MAP2K1: variants seen among roughly 807,000 people sequenced by gnomAD.
The protein encoded by MAP2K1 is mitogen-activated protein kinase kinase 1.
In MAP2K1, 16 loss-of-function variants were observed where a neutral mutation model predicts 46.3. The ratio of observed to expected loss-of-function variants is 0.35; its 90% CI spans 0.23 to 0.52. The LOEUF (loss-of-function observed/expected upper bound fraction) is 0.52. Among genes scored for constraint, MAP2K1 ranks in the 20% least tolerant of loss-of-function variants. The pLI, the probability that MAP2K1 is intolerant of heterozygous loss-of-function variation, is 0.94. For synonymous variants in MAP2K1, 183 were observed against 185.6 expected (o/e 0.99, Z 0.11); for missense variants, 263 against 497.1 (o/e 0.53, Z 4.48).
intron 1 of MAP2K1, among the ~76,000 whole-genome samples, chr15:66,397,198 G>T (rs575813387): frequency 1.4e-4 from 21 of 149,628 alleles, no homozygotes; most frequent in African/African-American, 5.2e-4. Flanking sequence ...TAGAGACAAG[G>T]TTTCACCGTG....
chr15:66,444,743 TTTAG>T, intron 5 of MAP2K1, 36 bp downstream of exon 5: 1 of 1,555,844 alleles, frequency 6.4e-7, no homozygotes, highest in Non-Finnish European at 8.9e-7. Flanking sequence ...TGCTTTGAAT[TTTAG>T]ATATAATCCA....
At chr15:66,442,432 A>G (rs1395862764) in intron 3 of MAP2K1, among the ~76,000 whole-genome samples, 3 of 152,164 alleles carry the variant, frequency 2.0e-5, no homozygotes, top group Non-Finnish European at 4.4e-5. Context: ...TTTTCCAGGT[A>G]TAGAAATCAT....
rs1461381065 is a variant in MAP2K1, at chr15:66,420,721, A to ATATATATATATATGTG, written c.81-14305_81-14304insATATATATATATGTGT. Among the ~76,000 whole-genome samples, 62 of 29,676 alleles carry ATATATATATATATGTG rather than the reference A, an allele frequency of 2.1e-3. 5 individuals carry two copies. The highest frequency in any genetic ancestry group is 7.2e-3 in the African/African-American group (61 of 8,492). 19.5% of individuals were successfully genotyped at this position (29,676 alleles called of 152,430 possible). On this transcript the variant is annotated intron_variant, in intron 1 of 10. Coordinates refer to ENST00000307102, the MANE Select transcript of MAP2K1 (RefSeq NM_002755.4). ...TTACTCTTGGCATATATATATATATATGTGTGTGTGTGTGTGTGTGTGTGT... is the reference window on the plus strand; with the variant it reads ...TTACTCTTGGCATATATATATATATATATATATATATATGTGTGTGTGTGTGTGTGTGTGTGTGTGT...
chr15:66,392,161 G>T (rs1471698690), intron 1 of MAP2K1, among the ~76,000 whole-genome samples: 1 of 151,442 alleles, frequency 6.6e-6, no homozygotes, highest in Non-Finnish European at 1.5e-5. Context: ...CATTTCTTTG[G>T]CCAGAGCAAA....
At chr15:66,487,137 C>A (rs745797293) in intron 7 of MAP2K1, 91 bp from the exon 8 acceptor site, 12 of 1,030,888 alleles carry the variant, frequency 1.2e-5, no homozygotes, top group Non-Finnish European at 1.8e-5. Context: ...TGACCCTGTT[C>A]TGGTCCCAGG....
intron 3 of MAP2K1, among the ~76,000 whole-genome samples, chr15:66,440,663 C>G (rs895440901): frequency 1.3e-5 from 2 of 152,170 alleles, no homozygotes; most frequent in African/African-American, 4.8e-5. Flanking sequence ...GGAATAAAAG[C>G]TTTTGAACTG....
At chr15:66,464,795 T>C (rs1217961489) in intron 5 of MAP2K1, among the ~76,000 whole-genome samples, 1 of 151,858 alleles carries the variant, frequency 6.6e-6, no homozygotes. Context: ...CCCAAAGTGC[T>C]GGGATTATAG....
intron 5 of MAP2K1, among the ~76,000 whole-genome samples, chr15:66,460,800 AAGGGACAGGAT>A (rs1314652830): frequency 2.0e-5 from 3 of 152,052 alleles, no homozygotes; most frequent in African/African-American, 7.2e-5. Context: ...TGGCAGAGTG[AAGGGACAGGAT>A]GGGGACAGAT....
intron 1 of MAP2K1, among the ~76,000 whole-genome samples, chr15:66,413,100 T>A (rs2093415490): frequency 6.6e-6 from 1 of 152,132 alleles, no homozygotes; most frequent in Non-Finnish European, 1.5e-5. Flanking sequence ...TTCACCATGT[T>A]GGCCAGGCTG....
rs768466279 is a variant in MAP2K1 at position 66,479,097 on chromosome 15, C to CT, written c.569-2645dup. The stretch of plus-strand genomic sequence containing the variant: ...GCTGGATCTCTTGGGCCTTAGCCTT[C>CT]TTTTTTTTTTTTTGGAGACAGAGGA... On this transcript the variant is annotated intron_variant, in intron 5 of 10. Coordinates refer to ENST00000307102, the MANE Select transcript of MAP2K1 (RefSeq NM_002755.4). Among the ~76,000 whole-genome samples, 1,220 of 143,930 alleles carry CT rather than the reference C, an allele frequency of 8.5e-3. 13 individuals carry two copies. The highest frequency in any genetic ancestry group is 0.02 in the African/African-American group (792 of 39,408). The allele number at this position is 143,930 out of a possible 152,430, so 94.4% of individuals were successfully genotyped here.
At chr15:66,467,361 G>A (rs56911164) in intron 5 of MAP2K1, among the ~76,000 whole-genome samples, 11,805 of 152,190 alleles carry the variant, frequency 0.078, 1,523 homozygotes, top group African/African-American at 0.27. Context: ...GGCATAGACA[G>A]AACTAACTTT....
intron 3 of MAP2K1, among the ~76,000 whole-genome samples, chr15:66,441,612 T>C (rs2093503838): frequency 6.6e-6 from 1 of 152,114 alleles, no homozygotes; most frequent in Admixed American, 6.5e-5. Flanking sequence ...ATCAGTAGCA[T>C]TGTCTGTTCT....
chr15:66,472,457 A>T (rs1006897730), intron 5 of MAP2K1, among the ~76,000 whole-genome samples: 6 of 152,140 alleles, frequency 3.9e-5, no homozygotes, highest in Non-Finnish European at 8.8e-5. Flanking sequence ...CTTCAATTAG[A>T]AAGTTCTGAG....
At chr15:66,463,127 T>A (rs1423908202) in intron 5 of MAP2K1, among the ~76,000 whole-genome samples, 1 of 152,118 alleles carries the variant, frequency 6.6e-6, no homozygotes, top group Non-Finnish European at 1.5e-5. Context: ...TAGTGTACAT[T>A]GTGGGTGGGG....
chr15:66,427,496 T>A (rs1480589932), intron 1 of MAP2K1, among the ~76,000 whole-genome samples: 2 of 151,628 alleles, frequency 1.3e-5, no homozygotes, highest in Non-Finnish European at 2.9e-5. Flanking sequence ...GAGGCGGAGC[T>A]TGCAGTGAGC....
At chr15:66,482,173 T>A (rs1336555806) in intron 6 of MAP2K1, among the ~76,000 whole-genome samples, 1 of 152,144 alleles carries the variant, frequency 6.6e-6, no homozygotes, top group Non-Finnish European at 1.5e-5. Context: ...CCTCTGGGCA[T>A]CTCTACATGA....
intron 1 of MAP2K1, among the ~76,000 whole-genome samples, chr15:66,388,279 T>G (rs1258944524): frequency 6.6e-6 from 1 of 152,154 alleles, no homozygotes; most frequent in Non-Finnish European, 1.5e-5. Flanking sequence ...CCCACAACTC[T>G]CTTGGGTTCT....
intron 3 of MAP2K1, among the ~76,000 whole-genome samples, chr15:66,441,159 C>T (rs972598068): frequency 1.3e-5 from 2 of 152,038 alleles, no homozygotes; most frequent in Non-Finnish European, 2.9e-5. Flanking sequence ...GATGGAGTCT[C>T]ACTACTACGT....
chr15:66,418,528 A>G (rs1179950843), intron 1 of MAP2K1, among the ~76,000 whole-genome samples: 2 of 152,196 alleles, frequency 1.3e-5, no homozygotes, highest in Non-Finnish European at 2.9e-5. Flanking sequence ...CAGCTTCTCA[A>G]GAACAGGGAA....
Sources: allele counts gnomAD v4.1 joint callset (sites outside exome capture counted in the v4.1 genomes callset), GRCh38; gene constraint gnomAD v4.1.1; transcripts MANE v1.5; gene names NCBI Gene and HGNC (gene_info 2026-07-23, HGNC 2026-07-21).